The following AMBRA1 variants were observed in gnomAD, a reference collection of about 807,000 sequenced individuals.
AMBRA1 encodes the protein activating molecule in BECN1-regulated autophagy protein 1.
A neutral mutation model predicts 125.4 loss-of-function variants in AMBRA1; 47 were observed. The ratio of observed to expected loss-of-function variants is 0.37; its 90% CI spans 0.30 to 0.48. AMBRA1 has a LOEUF of 0.48. AMBRA1 is among the 20% of genes least tolerant of loss of function. AMBRA1 has a pLI of 0.99. For missense variants in AMBRA1, 1,331 were observed against 1,693.4 expected (o/e 0.79, Z 3.76); for synonymous variants, 626 against 655.5 (o/e 0.95, Z 0.69).
At chr11:46,555,819 T>C (rs1486485420) in intron 1 of AMBRA1, among the ~76,000 whole-genome samples, 1 of 152,204 alleles carries the variant, frequency 6.6e-6, no homozygotes, top group African/African-American at 2.4e-5. Flanking sequence ...CCCCTTCCTA[T>C]TGCATTTAGG....
chr11:46,546,299 T>C (rs1399720763), intron 4 of AMBRA1, among the ~76,000 whole-genome samples: 1 of 152,084 alleles, frequency 6.6e-6, no homozygotes, highest in African/African-American at 2.4e-5. Flanking sequence ...CTTGGTCTCC[T>C]GAAGTGCTAG....
intron 14 of AMBRA1, 151 bp downstream of exon 14, chr11:46,433,323 T>C: frequency 1.1e-6 from 1 of 923,304 alleles, no homozygotes. Flanking sequence ...AGCCTGCTGG[T>C]CATGGATGGG....
At chr11:46,477,660 CATAGGCT>C (rs1032209298) in intron 11 of AMBRA1, among the ~76,000 whole-genome samples, 1 of 151,532 alleles carries the variant, frequency 6.6e-6, no homozygotes, top group African/African-American at 2.4e-5. Flanking sequence ...CTTTATTGTA[CATAGGCT>C]ATACCATTTT....
chr11:46,514,699 T>C (rs894514494), intron 7 of AMBRA1, among the ~76,000 whole-genome samples: 8 of 152,006 alleles, frequency 5.3e-5, no homozygotes, highest in Non-Finnish European at 1.0e-4. Context: ...GGTCTCAAAC[T>C]CCTAGCCTCA....
At chr11:46,593,305 G>A (rs947413883) in intron 1 of AMBRA1, among the ~76,000 whole-genome samples, 99 of 152,296 alleles carry the variant, frequency 6.5e-4, no homozygotes, top group African/African-American at 2.3e-3. Flanking sequence ...TTGGGGATAT[G>A]TGGGGAAGTC....
chr11:46,483,245 C>T (rs1248111329), intron 11 of AMBRA1, among the ~76,000 whole-genome samples: 1 of 152,060 alleles, frequency 6.6e-6, no homozygotes, highest in East Asian at 1.9e-4. Flanking sequence ...CTCTCTGGCT[C>T]TGGGGTGACA....
At chr11:46,430,448 A>G (rs574115678) in intron 14 of AMBRA1, among the ~76,000 whole-genome samples, 2 of 152,270 alleles carry the variant, frequency 1.3e-5, no homozygotes, top group South Asian at 4.1e-4. Context: ...TCTTATTCTG[A>G]TTTTAGGTCT....
chr11:46,502,826 C>T (rs181201113), intron 9 of AMBRA1, among the ~76,000 whole-genome samples: 159 of 152,048 alleles, frequency 1.0e-3, no homozygotes, highest in Non-Finnish European at 1.7e-3. Context: ...TTTGGGAGGC[C>T]GAAGTGGGCA....
Position 46,478,648 on chromosome 11 carries a change from C to CTTTT in AMBRA1, c.2521+14956_2521+14959dup, listed in dbSNP as rs11449187. Among the ~76,000 whole-genome samples the CTTTT allele has an allele frequency of 3.4e-3, 280 of 82,060 alleles. 1 individual carries two copies. Among genetic ancestry groups the CTTTT allele is most frequent in the Non-Finnish European group, 3.6e-3 (169 of 46,488 alleles). 53.8% of individuals were successfully genotyped at this position (82,060 alleles called of 152,430 possible). A position where few individuals can be genotyped will look rare whatever the true frequency, so the allele number is the denominator to read the frequency against. On this transcript the variant is annotated intron_variant, in intron 11 of 17. Transcript: ENST00000683756. ...TATTTCTTGTTTTTTTCTTTTTTCT[C>CTTTT]TTTTTTTTTTTTTTTTTTTTTTGGA... is the stretch of plus-strand genomic sequence containing the variant.
intron 11 of AMBRA1, among the ~76,000 whole-genome samples, chr11:46,482,955 G>C (rs1021134979): frequency 1.3e-4 from 19 of 151,034 alleles, no homozygotes; most frequent in African/African-American, 4.4e-4. Context: ...GTTGCAGTGA[G>C]CCGAGACCAT....
At chr11:46,586,098 C>G (rs2044390569) in intron 1 of AMBRA1, among the ~76,000 whole-genome samples, 1 of 152,106 alleles carries the variant, frequency 6.6e-6, no homozygotes, top group Non-Finnish European at 1.5e-5. Flanking sequence ...GCCACTGCAC[C>G]CAGCCGAAAA....
At chr11:46,571,477 C>G (rs1445830478) in intron 1 of AMBRA1, among the ~76,000 whole-genome samples, 2 of 151,968 alleles carry the variant, frequency 1.3e-5, no homozygotes, top group Non-Finnish European at 2.9e-5. Context: ...AAGTCCGAGA[C>G]CAGCCTGGGC....
chr11:46,556,913 G>T (rs2135223415), intron 1 of AMBRA1, among the ~76,000 whole-genome samples: 1 of 152,142 alleles, frequency 6.6e-6, no homozygotes, highest in South Asian at 2.1e-4. Context: ...GAGGCGGGTG[G>T]ATCACCTGAG....
At chr11:46,449,185 C>T (rs1331311312) in intron 11 of AMBRA1, among the ~76,000 whole-genome samples, 1 of 152,128 alleles carries the variant, frequency 6.6e-6, no homozygotes, top group Non-Finnish European at 1.5e-5. Flanking sequence ...GAAGTCCTAG[C>T]TAATGCAATC....
rs182572029 is a variant in AMBRA1, at chr11:46,581,334, C to T, written c.-121+12494G>A. 2.8e-3 allele frequency among the ~76,000 whole-genome samples: 426 copies of T among 151,676 alleles called. 2 individuals are homozygous for T. Among genetic ancestry groups the T allele is most frequent in the African/African-American group, 9.7e-3 (400 of 41,370 alleles). Reference sequence around the variant, plus strand: ...CTAAAAATGAAAAAATTAGGCCAGGCGCAGTGGCTCACACCTGTAATCCCA... The same window carrying T: ...CTAAAAATGAAAAAATTAGGCCAGGTGCAGTGGCTCACACCTGTAATCCCA... On this transcript the variant is annotated intron_variant, in intron 1 of 17. Transcript: ENST00000683756.
chr11:46,437,543 C>A (rs1189866449), intron 12 of AMBRA1, among the ~76,000 whole-genome samples: 1 of 152,206 alleles, frequency 6.6e-6, no homozygotes, highest in Non-Finnish European at 1.5e-5. Flanking sequence ...CTCCATTGCA[C>A]TGGGTTCTGT....
intron 1 of AMBRA1, among the ~76,000 whole-genome samples, chr11:46,565,240 C>A (rs1163402969): frequency 6.6e-6 from 1 of 151,020 alleles, no homozygotes; most frequent in African/African-American, 2.4e-5. Flanking sequence ...GCCTGGGAGA[C>A]AGAGAAAAAT....
At chr11:46,526,651 G>C (rs1380749427) in intron 7 of AMBRA1, among the ~76,000 whole-genome samples, 1 of 151,436 alleles carries the variant, frequency 6.6e-6, no homozygotes, top group East Asian at 1.9e-4. Context: ...ATTCTAACTG[G>C]GCCTCCAGAT....
intron 1 of AMBRA1, chr11:46,591,139 G>C (rs890145720): frequency 6.6e-6 from 1 of 152,106 alleles, no homozygotes; most frequent in Admixed American, 6.6e-5. Flanking sequence ...ATTTCCATTT[G>C]TTATTTAGCA....
Sources: allele counts gnomAD v4.1 joint callset (sites outside exome capture counted in the v4.1 genomes callset), GRCh38; gene constraint gnomAD v4.1.1; transcripts MANE v1.5; gene names NCBI Gene and HGNC (gene_info 2026-07-23, HGNC 2026-07-21).